Variants in NLGN1 observed in about 807,000 individuals in gnomAD.
The protein encoded by NLGN1 is neuroligin-1.
A neutral mutation model predicts 65.5 loss-of-function variants in NLGN1; 12 were observed. That is an observed-to-expected ratio of 0.18 (90% confidence interval 0.12 to 0.30). The LOEUF is 0.30. Among genes scored for constraint, NLGN1 ranks in the 10% least tolerant of loss-of-function variants. NLGN1 has a pLI of 1.00. For synonymous variants in NLGN1, 350 were observed against 359.5 expected (o/e 0.97, Z 0.30); for missense variants, 750 against 1,007.1 (o/e 0.74, Z 3.46).
rs146648017 is a variant in NLGN1 at position 173,983,919 on chromosome 3, T to G, written c.646+176087T>G. On this transcript the variant is annotated intron_variant, in intron 4 of 6. Transcript: ENST00000457714. ...TTTCTCTGTCTTATTCGCTGATATATTTGCAGAAGGCACTCCAATACATAC... is the reference window on the plus strand; with the variant it reads ...TTTCTCTGTCTTATTCGCTGATATAGTTGCAGAAGGCACTCCAATACATAC... Among the ~76,000 whole-genome samples the G allele has an allele frequency of 7.7e-3, 1,167 of 152,320 alleles. 8 individuals carry two copies. Among genetic ancestry groups the G allele is most frequent in the South Asian group, 0.015 (71 of 4,822 alleles).
chr3:174,055,224 T>C (rs1267122729), intron 4 of NLGN1, among the ~76,000 whole-genome samples: 1 of 151,144 alleles, frequency 6.6e-6, no homozygotes, highest in African/African-American at 2.4e-5. Context: ...TATCTAATTA[T>C]TGAATAAATT....
chr3:173,989,255 C>A (rs568824556), intron 4 of NLGN1, among the ~76,000 whole-genome samples: 1 of 152,280 alleles, frequency 6.6e-6, no homozygotes, highest in East Asian at 1.9e-4. Flanking sequence ...AAATCGCATG[C>A]TTGTACTCAG....
intron 4 of NLGN1, among the ~76,000 whole-genome samples, chr3:174,246,051 A>G (rs530851154): frequency 4.6e-5 from 7 of 152,304 alleles, no homozygotes; most frequent in South Asian, 2.1e-4. Flanking sequence ...TTTTCATTCA[A>G]TATAATTTAG....
chr3:173,654,524 T>C (rs184553320), intron 3 of NLGN1, among the ~76,000 whole-genome samples: 1 of 152,220 alleles, frequency 6.6e-6, no homozygotes, highest in East Asian at 1.9e-4. Context: ...GAGAAACCTA[T>C]AAAAAGTAGG....
Position 173,940,080 on chromosome 3 carries a change from C to CTTTT in NLGN1, c.646+132270_646+132273dup, listed in dbSNP as rs531013909. Reference sequence around the variant, plus strand: ...AAATTTTACACTCAAATAGTTATAGCTTTTTTTTTTTTTTTTTTTTTTTTT... The same window carrying CTTTT: ...AAATTTTACACTCAAATAGTTATAGCTTTTTTTTTTTTTTTTTTTTTTTTTTTTT... On this transcript the variant is annotated intron_variant, in intron 4 of 6. Coordinates refer to ENST00000457714, the Ensembl canonical transcript of NLGN1. Among the ~76,000 whole-genome samples, 83 of 75,430 alleles carry CTTTT rather than the reference C, an allele frequency of 1.1e-3. 1 individual carries two copies. Among genetic ancestry groups the CTTTT allele is most frequent in the African/African-American group, 2.2e-3 (36 of 16,666 alleles). The allele number at this position is 75,430 out of a possible 152,430, so 49.5% of individuals were successfully genotyped here. A position where few individuals can be genotyped will look rare whatever the true frequency, so the allele number is the denominator to read the frequency against.
chr3:173,577,519 G>T (rs2149352271), intron 2 of NLGN1, among the ~76,000 whole-genome samples: 1 of 152,282 alleles, frequency 6.6e-6, no homozygotes, highest in East Asian at 1.9e-4. Context: ...TCCACCATTT[G>T]TTAGCTTGTT....
At chr3:173,511,446 G>A (rs531444963) in intron 2 of NLGN1, among the ~76,000 whole-genome samples, 1 of 152,104 alleles carries the variant, frequency 6.6e-6, no homozygotes, top group Admixed American at 6.6e-5. Context: ...ACGTTCTGTC[G>A]ATTTAGACAA....
chr3:174,135,963 G>A (rs895665002), intron 4 of NLGN1, among the ~76,000 whole-genome samples: 5 of 152,006 alleles, frequency 3.3e-5, no homozygotes, highest in African/African-American at 1.2e-4. Context: ...TTTGCAGGCC[G>A]CTGTTATTAA....
At chr3:173,942,134 GTGTGTGTATGTGTGTGTGTGTGTA>G (rs1746240608) in intron 4 of NLGN1, among the ~76,000 whole-genome samples, 1 of 148,316 alleles carries the variant, frequency 6.7e-6, no homozygotes, top group African/African-American at 2.5e-5. Flanking sequence ...GTGTGTGTGT[GTGTGTGTATGTGTGTGTGTGTGTA>G]TGTGTATATA....
At chr3:173,934,412 C>T (rs139438645) in intron 4 of NLGN1, among the ~76,000 whole-genome samples, 13 of 151,480 alleles carry the variant, frequency 8.6e-5, no homozygotes, top group Admixed American at 4.6e-4. Flanking sequence ...TGAATAATGA[C>T]GTCAATAGTA....
At chr3:173,546,617 G>T (rs1051478836) in intron 2 of NLGN1, among the ~76,000 whole-genome samples, 10 of 152,090 alleles carry the variant, frequency 6.6e-5, no homozygotes, top group Admixed American at 5.9e-4. Flanking sequence ...ATTTTTCCAG[G>T]CTATAGTTCT....
At chr3:174,195,354 C>T (rs909148620) in intron 4 of NLGN1, among the ~76,000 whole-genome samples, 1 of 152,092 alleles carries the variant, frequency 6.6e-6, no homozygotes, top group African/African-American at 2.4e-5. Flanking sequence ...ATTTCAGAGG[C>T]ATTATTAACA....
chr3:173,515,494 A>G (rs1733672745), intron 2 of NLGN1, among the ~76,000 whole-genome samples: 1 of 152,084 alleles, frequency 6.6e-6, no homozygotes, highest in Non-Finnish European at 1.5e-5. Flanking sequence ...AGTTTGCTGT[A>G]GTCCCACTTG....
intron 4 of NLGN1, among the ~76,000 whole-genome samples, chr3:174,161,193 ACTT>A (rs141096669): frequency 0.13 from 19,560 of 151,628 alleles, 1,295 homozygotes; most frequent in Admixed American, 0.16. Context: ...GTGATGGAAA[ACTT>A]CTTTATGAAT....
intron 4 of NLGN1, among the ~76,000 whole-genome samples, chr3:173,880,573 A>G (rs1733029874): frequency 6.6e-6 from 1 of 150,966 alleles, no homozygotes; most frequent in South Asian, 2.1e-4. Flanking sequence ...AGTATGTTTA[A>G]AAATATATAT....
intron 4 of NLGN1, among the ~76,000 whole-genome samples, chr3:174,028,299 C>T (rs1729252445): frequency 6.6e-6 from 1 of 152,114 alleles, no homozygotes; most frequent in Admixed American, 6.6e-5. Context: ...AAATTTGGAA[C>T]TTCCCCAAAG....
At chr3:173,823,933 A>C (rs1167139460) in intron 4 of NLGN1, among the ~76,000 whole-genome samples, 9 of 144,108 alleles carry the variant, frequency 6.2e-5, no homozygotes, top group African/African-American at 2.0e-4. Flanking sequence ...AAAAAAAAAC[A>C]AATCTTTTTT....
At chr3:173,832,919 T>G (rs1722890115) in intron 4 of NLGN1, among the ~76,000 whole-genome samples, 1 of 152,222 alleles carries the variant, frequency 6.6e-6, no homozygotes, top group African/African-American at 2.4e-5. Flanking sequence ...AAAGGTATAT[T>G]GGCAATCTTT....
chr3:173,536,949 C>CT (rs2149205058), intron 2 of NLGN1, among the ~76,000 whole-genome samples: 1 of 152,292 alleles, frequency 6.6e-6, no homozygotes. Flanking sequence ...CAGTCTGAGT[C>CT]TGAGTCCAAA....
Sources: allele counts gnomAD v4.1 joint callset (sites outside exome capture counted in the v4.1 genomes callset), GRCh38; gene constraint gnomAD v4.1.1; transcripts MANE v1.5; gene names NCBI Gene and HGNC (gene_info 2026-07-23, HGNC 2026-07-21).